TWSG1: variants seen among roughly 807,000 people sequenced by gnomAD.
TWSG1 encodes the protein twisted gastrulation BMP signaling modulator 1, also known as twisted gastrulation protein homolog 1.
TWSG1 carries 15 observed loss-of-function variants against 23.0 expected under a neutral mutation model. The ratio of observed to expected loss-of-function variants is 0.65; its 90% confidence interval spans 0.44 to 1.00. TWSG1 has a LOEUF of 1.00. Among genes scored for constraint, TWSG1 ranks in the 50% least tolerant of loss-of-function variants. The probability of loss-of-function intolerance (pLI) is 0.00; values close to 1 mark genes in which losing one functional copy is unlikely to be tolerated. For missense variants in TWSG1, 242 were observed against 278.7 expected (o/e 0.87, Z 0.94); for synonymous variants, 86 against 92.8 (o/e 0.93, Z 0.42).
At chr18:9,375,549 A>G (rs2040626333) in intron 3 of TWSG1, among the ~76,000 whole-genome samples, 1 of 152,212 alleles carries the variant, frequency 6.6e-6, no homozygotes, top group African/African-American at 2.4e-5. Flanking sequence ...AAATAAAACT[A>G]TCTTTGTTTG....
chr18:9,380,061 T>G (rs773530446), intron 3 of TWSG1, among the ~76,000 whole-genome samples: 1 of 152,220 alleles, frequency 6.6e-6, no homozygotes, highest in South Asian at 2.1e-4. Context: ...TTAGAGAATT[T>G]TGTCTAGGAA....
chr18:9,387,719 G>C (rs2040691746), intron 3 of TWSG1, among the ~76,000 whole-genome samples: 1 of 149,364 alleles, frequency 6.7e-6, no homozygotes, highest in African/African-American at 2.5e-5. Context: ...GCAGTGAGCC[G>C]AGATCGTGCC....
At position 9,360,007 on chromosome 18, in the gene TWSG1, C is replaced by T. The variant is rs2040545118; in HGVS notation, c.159C>T (p.Cys53=). 6.2e-7 allele frequency: 1 copy of T among 1,613,714 alleles called. No individual in the cohort carries two copies. The highest frequency in any genetic ancestry group is 8.5e-7 in the Non-Finnish European group (1 of 1,179,732). Residue 53 remains cysteine, a synonymous_variant, in exon 3 of 5, where the codon TGC becomes TGT. Transcript: ENST00000262120. ...LCQCRPGEGN[C]SCCKECMLCL... Reference sequence around the variant, plus strand: ...AGTGCCGGCCGGGAGAAGGCAATTGCTCCTGCTGTAAGGAGTGCATGCTGT... The same window carrying T: ...AGTGCCGGCCGGGAGAAGGCAATTGTTCCTGCTGTAAGGAGTGCATGCTGT...
At chr18:9,374,846 C>T (rs1286226123) in intron 3 of TWSG1, among the ~76,000 whole-genome samples, 3 of 152,106 alleles carry the variant, frequency 2.0e-5, no homozygotes, top group African/African-American at 7.2e-5. Flanking sequence ...CCAAGTATGC[C>T]ATACTGGTTC....
chr18:9,375,184 A>G (rs1216376606), intron 3 of TWSG1, among the ~76,000 whole-genome samples: 1 of 151,084 alleles, frequency 6.6e-6, no homozygotes, highest in Admixed American at 6.6e-5. Context: ...AAAAAAAAAA[A>G]AAATCAAGCA....
chr18:9,344,004 G>A (rs1055871684), intron 2 of TWSG1, among the ~76,000 whole-genome samples: 3 of 152,106 alleles, frequency 2.0e-5, no homozygotes, highest in Non-Finnish European at 4.4e-5. Flanking sequence ...GGGCTCAAAC[G>A]ATCCTCTCAC....
chr18:9,382,980 A>G (rs1443613385), intron 3 of TWSG1, among the ~76,000 whole-genome samples: 2 of 152,130 alleles, frequency 1.3e-5, no homozygotes, highest in Non-Finnish European at 2.9e-5. Flanking sequence ...TATGTCTTAC[A>G]TGCAATGACT....
intron 3 of TWSG1, among the ~76,000 whole-genome samples, chr18:9,377,063 A>G (rs2040633718): frequency 6.6e-6 from 1 of 152,170 alleles, no homozygotes; most frequent in Non-Finnish European, 1.5e-5. Flanking sequence ...ACCACTTTAT[A>G]TAAGAGACTT....
chr18:9,337,456 G>A, intron 2 of TWSG1, 104 bp downstream of exon 2: 1 of 1,191,830 alleles, frequency 8.4e-7, no homozygotes, highest in South Asian at 1.5e-5. Flanking sequence ...AGTAAGACCT[G>A]AGTATTGGGT....
chr18:9,388,591 G>T (rs9966961), intron 3 of TWSG1, among the ~76,000 whole-genome samples: 72,213 of 152,058 alleles, frequency 0.47, 18,139 homozygotes, highest in East Asian at 0.71. Context: ...GGGACATCAG[G>T]TTTACTAGTT....
intron 2 of TWSG1, among the ~76,000 whole-genome samples, chr18:9,345,904 A>G (rs2040474875): frequency 6.6e-6 from 1 of 152,276 alleles, no homozygotes; most frequent in South Asian, 2.1e-4. Flanking sequence ...TTCCCCCCAC[A>G]TATCCCCAGT....
chr18:9,368,549 AC>A (rs1349058753), intron 3 of TWSG1, among the ~76,000 whole-genome samples: 1 of 151,982 alleles, frequency 6.6e-6, no homozygotes, highest in African/African-American at 2.4e-5. Context: ...GCAGTGGCTC[AC>A]GTCTGTAATT....
intron 3 of TWSG1, among the ~76,000 whole-genome samples, chr18:9,390,229 C>G: frequency 6.6e-6 from 1 of 151,838 alleles, no homozygotes; most frequent in Middle Eastern, 3.4e-3. Flanking sequence ...GGCGCGATCT[C>G]GGTTCACTGC....
At chr18:9,348,070 A>G (rs1339133569) in intron 2 of TWSG1, among the ~76,000 whole-genome samples, 1 of 152,234 alleles carries the variant, frequency 6.6e-6, no homozygotes, top group Non-Finnish European at 1.5e-5. Flanking sequence ...CCATGTATTT[A>G]GATAGGACTT....
intron 3 of TWSG1, among the ~76,000 whole-genome samples, chr18:9,361,556 A>G (rs1346122288): frequency 5.9e-5 from 9 of 152,162 alleles, no homozygotes; most frequent in Admixed American, 2.0e-4. Context: ...ATGTCTATAG[A>G]TCTTTCCCTT....
At chr18:9,335,132 G>A (rs1204566959) in intron 1 of TWSG1, among the ~76,000 whole-genome samples, 1 of 152,118 alleles carries the variant, frequency 6.6e-6, no homozygotes. Context: ...TCTCTGCGCC[G>A]CTTTGGTCCA....
At position 9,337,286 on chromosome 18, in the gene TWSG1, G is replaced by A. The variant is rs1262955710; in HGVS notation, c.57G>A (p.Trp19Ter). The change falls in exon 2 of 5, where the codon TGG becomes TGA. Residue 19 changes from tryptophan (W) to a stop codon, truncating the protein, a stop_gained. Transcript: ENST00000262120. LOFTEE classifies it high-confidence loss of function. ...TAGCCATCCTGATGTTCCTGACATG[G>A]CTTCCAGAATCACTGAGCTGTAACA... ...LTLAILMFLT[W>*]LPESLSCNKA... 1 of 1,613,388 alleles carries A rather than the reference G, an allele frequency of 6.2e-7. No individual in the cohort carries two copies. The highest frequency in any genetic ancestry group is 2.2e-5 in the East Asian group (1 of 44,892).
At chr18:9,396,173 A>T (rs1475345676) in intron 3 of TWSG1, 107 bp from the exon 4 acceptor site, 15 of 712,434 alleles carry the variant, frequency 2.1e-5, no homozygotes, top group Non-Finnish European at 3.3e-5. Flanking sequence ...AAAAAAAGGT[A>T]GGAAAATATC....
At chr18:9,361,615 T>G (rs11873989) in intron 3 of TWSG1, among the ~76,000 whole-genome samples, 107,042 of 152,100 alleles carry the variant, frequency 0.7, 37,790 homozygotes, top group Middle Eastern at 0.76. Context: ...TTCCTGCTGG[T>G]GTTGAGGCTG....
Sources: allele counts gnomAD v4.1 joint callset (sites outside exome capture counted in the v4.1 genomes callset), GRCh38; gene constraint gnomAD v4.1.1; transcripts MANE v1.5; gene names NCBI Gene and HGNC (gene_info 2026-07-23, HGNC 2026-07-21).